The following ADAMTS2 variants were observed in gnomAD, a reference collection of about 807,000 sequenced individuals.
The protein encoded by ADAMTS2 is ADAM metallopeptidase with thrombospondin type 1 motif 2.
ADAMTS2 carries 50 observed loss-of-function variants against 123.0 expected under a neutral mutation model. The observed-to-expected ratio is 0.41, with a 90% CI of 0.32 to 0.51. The LOEUF (loss-of-function observed/expected upper bound fraction) is 0.51, where lower values mean the gene tolerates loss of function less well. Ranked by LOEUF, ADAMTS2 falls within the 20% of genes least tolerant of loss-of-function variation. ADAMTS2 has a pLI of 0.35. For missense variants in ADAMTS2, 1,494 were observed against 1,705.2 expected, an observed-to-expected ratio of 0.88 and a Z score of 2.18; for synonymous variants, 678 against 695.4, an observed-to-expected ratio of 0.98 and a Z score of 0.39.
In ADAMTS2 at chr5:179,189,763, A is replaced by G. The variant is rs1026677908; in HGVS notation, c.892-8608T>C. ...AAGGTAGGGGGGGACAATATTACAA[A>G]GTATCTTCTTAAGGATGGGGGTGGG... On this transcript the variant is annotated intron_variant, in intron 4 of 21. Transcript: ENST00000251582. This position sits in a 1 kb window ranked among gnomAD's most constrained non-coding sequence, Gnocchi z 4.2. 2.1e-5 allele frequency among the ~76,000 whole-genome samples: 3 copies of G among 140,064 alleles called. No individual in the cohort carries two copies. Among genetic ancestry groups the G allele is most frequent in the Non-Finnish European group, 3.0e-5 (2 of 66,386 alleles). 91.9% of individuals were successfully genotyped at this position (140,064 alleles called of 152,430 possible).
At position 179,128,022 on chromosome 5, in the gene ADAMTS2, C is replaced by A; in HGVS notation, c.2554G>T (p.Asp852Tyr). Residue 852 changes from aspartate (D) to tyrosine (Y), a missense_variant, in exon 17 of 22, where the codon GAC becomes TAC. Transcript: ENST00000251582. The surrounding 1 kb of genome is among the most constrained non-coding windows in gnomAD (Gnocchi z 4.9). ...AGGGCCCACTCGTAGACCACAGAGTCCTCTTCCAGGACGTTGTTGTCGTCG... is the reference window on the plus strand; with the variant it reads ...AGGGCCCACTCGTAGACCACAGAGTACTCTTCCAGGACGTTGTTGTCGTCG... Reference protein sequence around the residue: ...NVDDNNVLEEDSVVYEWALKK... With the variant: ...NVDDNNVLEEYSVVYEWALKK... The A allele has an allele frequency of 6.2e-7, 1 of 1,614,112 alleles. No homozygotes were observed. Among genetic ancestry groups the A allele is most frequent in the African/African-American group, 1.3e-5 (1 of 75,058 alleles).
chr5:179,223,783 G>A (rs1036512519), intron 3 of ADAMTS2, among the ~76,000 whole-genome samples: 4 of 151,978 alleles, frequency 2.6e-5, no homozygotes, highest in Non-Finnish European at 2.9e-5. Context: ...GTCTATGGAT[G>A]TGTGTGCATG....
chr5:179,209,659 G>A lies in ADAMTS2; in HGVS notation c.689-1944C>T, dbSNP rs1053084795. On this transcript the variant is annotated intron_variant, in intron 3 of 21. Transcript: ENST00000251582. ...CCACTCCAGGGACAGGGGTGGGGCC[G>A]GCAGGCCTGCGGGCAGGGCTGTGGG... Among the ~76,000 whole-genome samples, 28 of 152,000 alleles carry A rather than the reference G, an allele frequency of 1.8e-4. 1 individual carries two copies. The highest frequency in any genetic ancestry group is 6.3e-3 in the Middle Eastern group (2 of 316).
rs1272030762 is a variant in ADAMTS2 at position 179,129,787 on chromosome 5, G to A, written c.2457+145C>T. The A allele has an allele frequency of 7.2e-5, 78 of 1,088,778 alleles. No individual in the cohort carries two copies. In the South Asian group the frequency reaches 1.0e-3, roughly 14 times the overall value. The allele number at this position is 1,088,778 out of a possible 1,614,324, so 67.4% of individuals were successfully genotyped here. A position where few individuals can be genotyped will look rare whatever the true frequency, so the allele number is the denominator to read the frequency against. ...GTCCCTTCCTGGCTCTGACCAAGTC[G>A]GAGCCCCTTGGTGCCAAAGGCAGGC... On this transcript the variant is annotated intron_variant, in intron 16 of 21. Coordinates refer to ENST00000251582, the MANE Select transcript of ADAMTS2 (RefSeq NM_014244.5). This position sits in a 1 kb window ranked among gnomAD's most constrained non-coding sequence, Gnocchi z 4.1.
At chr5:179,198,163 A>C (rs1764472398) in intron 4 of ADAMTS2, among the ~76,000 whole-genome samples, 1 of 152,188 alleles carries the variant, frequency 6.6e-6, no homozygotes, top group Admixed American at 6.5e-5. Flanking sequence ...GGGCCTGGGC[A>C]GAGGAGAGCC....
Position 179,117,936 on chromosome 5 carries a change from G to C in ADAMTS2, c.3179-3612C>G, listed in dbSNP as rs1762690839. Among the ~76,000 whole-genome samples the C allele has an allele frequency of 6.6e-6, 1 of 152,150 alleles. No homozygotes were observed. The highest frequency in any genetic ancestry group is 1.5e-5 in the Non-Finnish European group (1 of 68,030). The stretch of plus-strand genomic sequence containing the variant: ...CCAATGCCCAAAATATTGACTACCT[G>C]GCCCTTTACAGAAAAGGTTGACTGA... On this transcript the variant is annotated intron_variant, in intron 21 of 21. Transcript: ENST00000251582. This position sits in a 1 kb window ranked among gnomAD's most constrained non-coding sequence, Gnocchi z 4.2.
intron 4 of ADAMTS2, among the ~76,000 whole-genome samples, chr5:179,206,952 A>G (rs758409611): frequency 3.9e-5 from 6 of 152,034 alleles, no homozygotes; most frequent in Admixed American, 6.5e-5. Context: ...TCCCTCCCCA[A>G]TTCCTCCCAC....
At position 179,307,329 on chromosome 5, in the gene ADAMTS2, C is replaced by T. The variant is rs180290; in HGVS notation, c.535-34265G>A. Among the ~76,000 whole-genome samples the T allele has an allele frequency of 9.9e-5, 15 of 152,174 alleles. No homozygotes were observed. The highest frequency in any genetic ancestry group is 1.4e-4 in the African/African-American group (6 of 41,446). On this transcript the variant is annotated intron_variant, in intron 2 of 21. Coordinates refer to ENST00000251582, the MANE Select transcript of ADAMTS2 (RefSeq NM_014244.5). This position sits in a 1 kb window ranked among gnomAD's most constrained non-coding sequence, Gnocchi z 5.6. ...GAGGTCCACCGGCCCTCTCAGGGCT[C>T]GAGCACCCGGCCAACCCTGGGTGGC...
At chr5:179,207,363 C>G in intron 4 of ADAMTS2, 150 bp downstream of exon 4, 1 of 810,286 alleles carries the variant, frequency 1.2e-6, no homozygotes, top group South Asian at 1.6e-5. Flanking sequence ...GGGGACCCAG[C>G]AAGCCTCCCT....
At position 179,122,649 on chromosome 5, in the gene ADAMTS2, CA is replaced by C; in HGVS notation, c.3082del (p.Cys1028ValfsTer14). On this transcript the variant is annotated frameshift_variant, in exon 20 of 22. Transcript: ENST00000251582. LOFTEE classifies it high-confidence loss of function. ...AGGGGCTGCAGGTGGCTTACGGGGA[CA>C]GGGGCCAAGCCTGCAGGTCCTCGCT... ...ETARTCRLGP[C>X]PRNISDPSKK... 1.9e-6 allele frequency: 3 copies of C among 1,550,980 alleles called. No homozygotes were observed. The highest frequency in any genetic ancestry group is 2.6e-6 in the Non-Finnish European group (3 of 1,147,424).
intron 3 of ADAMTS2, among the ~76,000 whole-genome samples, chr5:179,222,948 C>T (rs548923925): frequency 5.5e-4 from 84 of 152,300 alleles, no homozygotes; most frequent in African/African-American, 1.9e-3. Flanking sequence ...GCCAGGCAAC[C>T]CCTCCCCCTG....
Position 179,134,818 on chromosome 5 carries a change from C to T in ADAMTS2, c.2085+1091G>A, listed in dbSNP as rs190508922. ...CCAGCCCCCAGCTCCCGGCTCCAGCCCCCAGCTCCCGGCTCCAGCCCCCAG... is the reference window on the plus strand; with the variant it reads ...CCAGCCCCCAGCTCCCGGCTCCAGCTCCCAGCTCCCGGCTCCAGCCCCCAG... On this transcript the variant is annotated intron_variant, in intron 13 of 21. Coordinates refer to ENST00000251582, the MANE Select transcript of ADAMTS2 (RefSeq NM_014244.5). Among the ~76,000 whole-genome samples the T allele has an allele frequency of 5.0e-3, 306 of 60,834 alleles. 4 individuals are homozygous for T. Among genetic ancestry groups the T allele is most frequent in the African/African-American group, 8.8e-3 (136 of 15,474 alleles). The allele number at this position is 60,834 out of a possible 152,430, so 39.9% of individuals were successfully genotyped here. A position where few individuals can be genotyped will look rare whatever the true frequency, so the allele number is the denominator to read the frequency against.
intron 2 of ADAMTS2, among the ~76,000 whole-genome samples, chr5:179,310,314 G>A (rs570893761): frequency 6.6e-6 from 1 of 152,372 alleles, no homozygotes; most frequent in East Asian, 1.9e-4. Flanking sequence ...AAGAAAGACA[G>A]AGAACTGGTC....
Position 179,113,840 on chromosome 5 carries a change from T to C in ADAMTS2, c.*27A>G, listed in dbSNP as rs1192456605. 6.2e-7 allele frequency: 1 copy of C among 1,607,636 alleles called. No individual in the cohort carries two copies. Among genetic ancestry groups the C allele is most frequent in the South Asian group, 1.1e-5 (1 of 90,956 alleles). The stretch of plus-strand genomic sequence containing the variant: ...AATATCTCTATAAGCAAGAAAAAAA[T>C]GCTAGGGATGCTATCTTTCCATTTT... On this transcript the variant is annotated 3_prime_UTR_variant, in exon 22 of 22. Coordinates refer to ENST00000251582, the MANE Select transcript of ADAMTS2 (RefSeq NM_014244.5).
At chr5:179,259,277 G>A (rs887812401) in intron 3 of ADAMTS2, among the ~76,000 whole-genome samples, 2 of 152,216 alleles carry the variant, frequency 1.3e-5, no homozygotes, top group South Asian at 2.1e-4. Context: ...TCAGCCCAAC[G>A]TCCAGTGACT....
At chr5:179,258,401 G>A (rs1472993259) in intron 3 of ADAMTS2, among the ~76,000 whole-genome samples, 1 of 152,082 alleles carries the variant, frequency 6.6e-6, no homozygotes, top group Non-Finnish European at 1.5e-5. Flanking sequence ...GCTGGACGTC[G>A]CCTGGCCAGA....
chr5:179,336,582 C>T (rs748441153), intron 2 of ADAMTS2, among the ~76,000 whole-genome samples: 3 of 151,964 alleles, frequency 2.0e-5, no homozygotes, highest in African/African-American at 4.8e-5. Flanking sequence ...TTCTTGGTGG[C>T]GTATAAAGTA....
intron 3 of ADAMTS2, among the ~76,000 whole-genome samples, chr5:179,213,576 G>A (rs964154963): frequency 1.3e-5 from 2 of 152,162 alleles, no homozygotes; most frequent in African/African-American, 2.4e-5. Flanking sequence ...GGAGAGGCAG[G>A]TGCAGCAGGG....
chr5:179,125,235 C>G, intron 18 of ADAMTS2, 55 bp from the exon 19 acceptor site: 1 of 1,557,886 alleles, frequency 6.4e-7, no homozygotes, highest in Non-Finnish European at 8.8e-7. Flanking sequence ...GAGAACCTGC[C>G]TGGCTGAGCT....
Sources: gnomAD v4.1 joint callset for allele counts (sites outside exome capture counted in the v4.1 genomes callset) on GRCh38, gnomAD v4.1.1 for gene constraint, Gnocchi (gnomAD v3.1) non-coding constraint, MANE v1.5 for transcripts, NCBI Gene and HGNC (gene_info 2026-07-23, HGNC 2026-07-21) for gene names.